The following TMEM108 variants were observed in gnomAD, a reference collection of about 807,000 sequenced individuals.
The protein encoded by TMEM108 is transmembrane protein 108.
TMEM108 carries 12 observed loss-of-function variants against 35.1 expected under a neutral mutation model. The ratio of observed to expected loss-of-function variants is 0.34; its 90% CI spans 0.22 to 0.55. TMEM108 has a LOEUF of 0.55. Among genes scored for constraint, TMEM108 ranks in the 20% least tolerant of loss-of-function variants. The pLI is 0.89. For missense variants in TMEM108, 680 were observed against 753.3 expected, an observed-to-expected ratio of 0.90 and a Z score of 1.14; for synonymous variants, 287 against 308.6, an observed-to-expected ratio of 0.93 and a Z score of 0.73.
At chr3:133,081,488 C>G (rs914396612) in intron 2 of TMEM108, among the ~76,000 whole-genome samples, 3 of 152,208 alleles carry the variant, frequency 2.0e-5, no homozygotes, top group Admixed American at 1.3e-4. Context: ...AGGGCTTCAA[C>G]ATATGAATTT....
chr3:133,085,820 C>A (rs1943875204), intron 2 of TMEM108, among the ~76,000 whole-genome samples: 1 of 151,380 alleles, frequency 6.6e-6, no homozygotes, highest in Non-Finnish European at 1.5e-5. Flanking sequence ...TTTAGAAACT[C>A]TTGAAAAAAA....
At chr3:133,318,920 C>CAAAAAAAAAAA (rs58513827) in intron 3 of TMEM108, among the ~76,000 whole-genome samples, 1 of 136,040 alleles carries the variant, frequency 7.4e-6, no homozygotes, top group African/African-American at 2.8e-5. Context: ...GCGAGATAGG[C>CAAAAAAAAAAA]AAAAAAAAAA....
intron 3 of TMEM108, among the ~76,000 whole-genome samples, chr3:133,245,122 G>A (rs1255187821): frequency 6.6e-5 from 10 of 152,232 alleles, no homozygotes; most frequent in Admixed American, 6.5e-5. Flanking sequence ...AGTCTATGCC[G>A]TCAGACCTGA....
At chr3:133,272,307 GTGTGTT>G (rs1380542824) in intron 3 of TMEM108, among the ~76,000 whole-genome samples, 64 of 150,410 alleles carry the variant, frequency 4.3e-4, no homozygotes, top group South Asian at 3.0e-3. Context: ...GTGTGTGTGT[GTGTGTT>G]TCCTAAAGGA....
chr3:133,325,492 A>G (rs1284611402), intron 3 of TMEM108, among the ~76,000 whole-genome samples: 1 of 152,162 alleles, frequency 6.6e-6, no homozygotes, highest in Non-Finnish European at 1.5e-5. Context: ...CAAAATAAAA[A>G]TTACTTAAGA....
intron 2 of TMEM108, among the ~76,000 whole-genome samples, chr3:133,143,606 G>A (rs947337120): frequency 6.6e-5 from 10 of 152,256 alleles, no homozygotes; most frequent in African/African-American, 2.4e-4. Context: ...TTTTACAGAT[G>A]AGGAAACAGG....
At chr3:133,317,904 A>C (rs892629812) in intron 3 of TMEM108, among the ~76,000 whole-genome samples, 19 of 152,230 alleles carry the variant, frequency 1.2e-4, no homozygotes, top group Admixed American at 1.2e-3. Context: ...AAAAAAATGT[A>C]AAGCCAGAAA....
At chr3:133,278,006 A>C (rs1174325797) in intron 3 of TMEM108, among the ~76,000 whole-genome samples, 1 of 152,202 alleles carries the variant, frequency 6.6e-6, no homozygotes, top group Non-Finnish European at 1.5e-5. Context: ...TTCATTTCCT[A>C]GTGGCATAAT....
chr3:133,303,845 C>T (rs746704131), intron 3 of TMEM108, among the ~76,000 whole-genome samples: 19 of 152,312 alleles, frequency 1.2e-4, no homozygotes, highest in Non-Finnish European at 2.2e-4. Context: ...GTTGCTGTTT[C>T]CTTCCTGCCC....
intron 2 of TMEM108, among the ~76,000 whole-genome samples, chr3:133,191,783 T>G (rs1945501510): frequency 6.6e-6 from 1 of 152,132 alleles, no homozygotes; most frequent in African/African-American, 2.4e-5. Flanking sequence ...TTTTAGAAGC[T>G]AGGAGGTAGA....
chr3:133,056,821 T>C (rs557601291), intron 2 of TMEM108, among the ~76,000 whole-genome samples: 46 of 152,354 alleles, frequency 3.0e-4, no homozygotes, highest in South Asian at 8.3e-4. Context: ...ATGGCCACTG[T>C]CTGCAACCTT....
At chr3:133,338,815 T>A (rs2071577810) in intron 3 of TMEM108, among the ~76,000 whole-genome samples, 1 of 151,962 alleles carries the variant, frequency 6.6e-6, no homozygotes, top group Admixed American at 6.6e-5. Flanking sequence ...ATCAGGAGGA[T>A]GAAATTAAGG....
At chr3:133,088,311 A>C (rs968188656) in intron 2 of TMEM108, among the ~76,000 whole-genome samples, 9 of 152,102 alleles carry the variant, frequency 5.9e-5, no homozygotes, top group Non-Finnish European at 1.0e-4. Context: ...TTGGACCTTC[A>C]CGAATGGGAG....
chr3:133,100,869 T>A (rs1468876417), intron 2 of TMEM108, among the ~76,000 whole-genome samples: 1 of 152,230 alleles, frequency 6.6e-6, no homozygotes, highest in African/African-American at 2.4e-5. Context: ...TTTACAATAA[T>A]CATAACTGTA....
At chr3:133,326,535 G>A (rs1456088615) in intron 3 of TMEM108, among the ~76,000 whole-genome samples, 1 of 152,154 alleles carries the variant, frequency 6.6e-6, no homozygotes. Context: ...AAATGGAATA[G>A]TATAAACAAG....
chr3:133,248,293 T>C (rs552935919), intron 3 of TMEM108: 71 of 152,320 alleles, frequency 4.7e-4, no homozygotes, highest in African/African-American at 1.6e-3. Context: ...AATACCATGT[T>C]ACTATAAAGA....
intron 2 of TMEM108, among the ~76,000 whole-genome samples, chr3:133,139,270 A>G (rs1203864703): frequency 7.9e-5 from 12 of 152,238 alleles, no homozygotes; most frequent in Non-Finnish European, 1.5e-5. Flanking sequence ...TCCTTTGGAT[A>G]TATACCCAGT....
intron 2 of TMEM108, among the ~76,000 whole-genome samples, chr3:133,112,808 A>G (rs1944241952): frequency 6.6e-6 from 1 of 152,190 alleles, no homozygotes; most frequent in South Asian, 2.1e-4. Flanking sequence ...GCAGAAAGAT[A>G]TAGTCAGTTC....
intron 2 of TMEM108, among the ~76,000 whole-genome samples, chr3:133,116,856 A>ACCTCCTGGGTTCAAGCGATTCTCCTGCCC (rs1311932040): frequency 5.9e-5 from 9 of 152,016 alleles, no homozygotes; most frequent in African/African-American, 2.2e-4. Context: ...GCTCACTGCA[A>ACCTCCTGGGTTCAAGCGATTCTCCTGCCC]CCTCCTGGGT....
Sources: allele counts gnomAD v4.1 joint callset (sites outside exome capture counted in the v4.1 genomes callset), GRCh38; gene constraint gnomAD v4.1.1; transcripts MANE v1.5; gene names NCBI Gene and HGNC (gene_info 2026-07-23, HGNC 2026-07-21).